CLVS1: variants seen among roughly 807,000 people sequenced by gnomAD.
CLVS1 encodes clavesin 1.
Under a neutral mutation model 33.1 loss-of-function variants are expected in CLVS1, and 10 were observed. The ratio of observed to expected loss-of-function variants is 0.30; its 90% confidence interval spans 0.19 to 0.51. The LOEUF (loss-of-function observed/expected upper bound fraction) is 0.51, where lower values mean the gene tolerates loss of function less well. Ranked by LOEUF, CLVS1 falls within the 20% of genes least tolerant of loss-of-function variation. CLVS1 has a pLI of 0.97. For synonymous variants in CLVS1, 163 were observed against 166.1 expected (o/e 0.98, Z 0.14); for missense variants, 343 against 433.4 (o/e 0.79, Z 1.85).
intron 3 of CLVS1, among the ~76,000 whole-genome samples, chr8:61,421,821 T>A (rs1472493726): frequency 6.6e-6 from 1 of 152,196 alleles, no homozygotes; most frequent in African/African-American, 2.4e-5. Context: ...AGAGAGCCAA[T>A]TGCTACTTCA....
At chr8:61,217,381 A>T (rs4102482) in intron 2 of CLVS1, among the ~76,000 whole-genome samples, 1,555 of 152,302 alleles carry the variant, frequency 0.01, 13 homozygotes, top group Non-Finnish European at 0.016. Context: ...GAGGAGGGAA[A>T]GTAGCTTGCA....
intron 2 of CLVS1, among the ~76,000 whole-genome samples, chr8:61,151,470 G>A (rs1375744193): frequency 2.0e-5 from 3 of 152,318 alleles, no homozygotes; most frequent in African/African-American, 7.2e-5. Context: ...TGCCTAGAAA[G>A]AGGCAGTTTT....
At chr8:61,313,902 T>C (rs929595752) in intron 2 of CLVS1, among the ~76,000 whole-genome samples, 3 of 152,080 alleles carry the variant, frequency 2.0e-5, no homozygotes, top group Non-Finnish European at 4.4e-5. Flanking sequence ...GAGGCAGCAG[T>C]GGGAGCAAGG....
intron 2 of CLVS1, among the ~76,000 whole-genome samples, chr8:61,138,078 G>T (rs1806222830): frequency 6.6e-6 from 1 of 152,238 alleles, no homozygotes; most frequent in African/African-American, 2.4e-5. Flanking sequence ...GACAGACTCA[G>T]AAAGTTATAA....
chr8:61,353,201 A>G (rs1413778812), intron 2 of CLVS1, among the ~76,000 whole-genome samples: 2 of 152,034 alleles, frequency 1.3e-5, no homozygotes, highest in Non-Finnish European at 2.9e-5. Flanking sequence ...AACAGGATCT[A>G]ATTGACATTT....
intron 5 of CLVS1, among the ~76,000 whole-genome samples, chr8:61,477,785 T>A (rs954234582): frequency 6.6e-6 from 1 of 152,186 alleles, no homozygotes; most frequent in African/African-American, 2.4e-5. Flanking sequence ...GGGTTTTTTG[T>A]GTCTCTATGT....
chr8:61,110,435 G>T (rs1805606113), intron 1 of CLVS1, among the ~76,000 whole-genome samples: 1 of 151,928 alleles, frequency 6.6e-6, no homozygotes, highest in Admixed American at 6.6e-5. Context: ...CTAGTCTAAG[G>T]CAGCAATCCA....
At chr8:61,052,981 G>A (rs1804411555), upstream of CLVS1, among the ~76,000 whole-genome samples, 2 of 152,186 alleles carry the variant, frequency 1.3e-5, no homozygotes, top group South Asian at 4.1e-4. Flanking sequence ...CTGGACTCTA[G>A]ATGTAAACGT....
intron 2 of CLVS1, among the ~76,000 whole-genome samples, chr8:61,161,906 T>C (rs1246317149): frequency 6.6e-6 from 1 of 152,080 alleles, no homozygotes; most frequent in Non-Finnish European, 1.5e-5. Flanking sequence ...CTTAAATATA[T>C]ACAACTTTTA....
chr8:61,212,511 C>G (rs973059077), intron 2 of CLVS1, among the ~76,000 whole-genome samples: 1 of 151,950 alleles, frequency 6.6e-6, no homozygotes, highest in Non-Finnish European at 1.5e-5. Context: ...CACAGAGGAG[C>G]CATTGAAAGG....
At chr8:61,176,773 T>G (rs56873926) in intron 2 of CLVS1, among the ~76,000 whole-genome samples, 12,560 of 152,140 alleles carry the variant, frequency 0.083, 740 homozygotes, top group African/African-American at 0.17. Flanking sequence ...GGTGATAAGT[T>G]AGCTTGCTAC....
At chr8:61,081,287 G>A (rs983692373) in intron 1 of CLVS1, among the ~76,000 whole-genome samples, 7 of 152,162 alleles carry the variant, frequency 4.6e-5, no homozygotes, top group African/African-American at 1.7e-4. Context: ...TGGGCTGGTG[G>A]CAGTAAGAAA....
In CLVS1 at chr8:61,361,892, A is replaced by G. The variant is rs576651764; in HGVS notation, c.456-14713A>G. On this transcript the variant is annotated intron_variant, in intron 2 of 5. Transcript: ENST00000325897. ...GAAGTAAAGGCTACTGTAATAGGGT[A>G]CAGAGACTGAACACAACTCCAAATA... 1.1e-4 allele frequency among the ~76,000 whole-genome samples: 16 copies of G among 152,360 alleles called. No homozygotes were observed. The South Asian group carries it at 3.1e-3, about 30-fold the overall frequency.
chr8:61,061,040 A>G (rs908059223), intron 1 of CLVS1, among the ~76,000 whole-genome samples: 1 of 152,182 alleles, frequency 6.6e-6, no homozygotes, highest in Non-Finnish European at 1.5e-5. Flanking sequence ...TCTGTTACTC[A>G]GAGGAACCTG....
chr8:61,076,424 G>T (rs1804911598), intron 1 of CLVS1, among the ~76,000 whole-genome samples: 1 of 152,200 alleles, frequency 6.6e-6, no homozygotes, highest in African/African-American at 2.4e-5. Flanking sequence ...GCACGTGTTA[G>T]CAAATGTACT....
At chr8:61,205,837 T>G (rs1420540245) in intron 2 of CLVS1, among the ~76,000 whole-genome samples, 1 of 152,202 alleles carries the variant, frequency 6.6e-6, no homozygotes, top group South Asian at 2.1e-4. Context: ...AACACTAAAC[T>G]TAAAATTTTT....
At chr8:61,028,210 G>A in the CLVS1 span, among the ~76,000 whole-genome samples, 4 of 152,260 alleles carry the variant, frequency 2.6e-5, no homozygotes, top group Admixed American at 6.5e-5. Flanking sequence ...AGGGGATGTC[G>A]GGAGGAATCT....
intron 1 of CLVS1, among the ~76,000 whole-genome samples, chr8:61,059,499 T>TATATATATATATATATATATATAC (rs1265187479): frequency 1.7e-3 from 166 of 95,996 alleles, no homozygotes; most frequent in East Asian, 6.7e-3. Flanking sequence ...TATATATATA[T>TATATATATATATATATATATATAC]ACACATATCT....
chr8:61,461,653 G>A (rs1817370134), intron 5 of CLVS1, among the ~76,000 whole-genome samples: 1 of 152,166 alleles, frequency 6.6e-6, no homozygotes, highest in Non-Finnish European at 1.5e-5. Flanking sequence ...TTGCATTTGG[G>A]TTTTTGAGGT....
Sources: allele counts gnomAD v4.1 joint callset (sites outside exome capture counted in the v4.1 genomes callset), GRCh38; gene constraint gnomAD v4.1.1; transcripts MANE v1.5; gene names NCBI Gene and HGNC (gene_info 2026-07-23, HGNC 2026-07-21).